Variants in USP43 observed in about 807,000 individuals in gnomAD.
The protein encoded by USP43 is ubiquitin specific peptidase 43.
USP43 carries 33 observed loss-of-function variants against 90.7 expected under a neutral mutation model. The ratio of observed to expected loss-of-function variants is 0.36; its 90% confidence interval spans 0.28 to 0.49. The LOEUF is 0.49. USP43 is among the 20% of genes least tolerant of loss of function. USP43 has a pLI of 0.98. For missense variants in USP43, 1,274 were observed against 1,476.4 expected (o/e 0.86, Z 2.25); for synonymous variants, 598 against 615.8 (o/e 0.97, Z 0.43).
At chr17:9,694,852 G>A (rs950486526) in intron 9 of USP43, among the ~76,000 whole-genome samples, 1 of 152,160 alleles carries the variant, frequency 6.6e-6, no homozygotes, top group African/African-American at 2.4e-5. Context: ...TCGAACTCCT[G>A]ACCTCAAGTG....
At chr17:9,682,014 A>T (rs1460543912) in intron 6 of USP43, among the ~76,000 whole-genome samples, 2 of 152,156 alleles carry the variant, frequency 1.3e-5, no homozygotes, top group Non-Finnish European at 2.9e-5. Flanking sequence ...TTCTCCTTTC[A>T]AATTCAATCA....
At position 9,729,177 on chromosome 17, in the gene USP43, A is replaced by G; in HGVS notation, c.*187A>G. 1 of 464,828 alleles carries G rather than the reference A, an allele frequency of 2.2e-6. No individual in the cohort carries two copies. Among genetic ancestry groups the G allele is most frequent in the Non-Finnish European group, 3.5e-6 (1 of 283,572 alleles). 28.8% of individuals were successfully genotyped at this position (464,828 alleles called of 1,614,324 possible). On this transcript the variant is annotated 3_prime_UTR_variant, in exon 15 of 15. Coordinates refer to ENST00000285199, the MANE Select transcript of USP43 (RefSeq NM_153210.5). ...CCAACACCCAAGGTCCATATAACCC[A>G]AGGTCGAAAACCTTCCTGCATCATT...
chr17:9,681,476 A>ATATATATATT (rs1914265612), intron 6 of USP43, among the ~76,000 whole-genome samples: 1 of 20,730 alleles, frequency 4.8e-5, no homozygotes, highest in Non-Finnish European at 7.0e-5. Context: ...ATATATATAT[A>ATATATATATT]TATATATATA....
At chr17:9,682,740 A>G in intron 6 of USP43, 83 bp from the exon 7 acceptor site, 4 of 1,517,988 alleles carry the variant, frequency 2.6e-6, no homozygotes, top group South Asian at 1.3e-5. Flanking sequence ...TCAAAGAGAA[A>G]GAGGGACTAG....
intron 4 of USP43, among the ~76,000 whole-genome samples, chr17:9,675,684 C>T (rs1372317437): frequency 6.6e-6 from 1 of 152,156 alleles, no homozygotes; most frequent in African/African-American, 2.4e-5. Context: ...TAGGATGCAG[C>T]TGAAGACATA....
chr17:9,724,890 G>C (rs79801263), intron 14 of USP43, among the ~76,000 whole-genome samples: 29 of 151,918 alleles, frequency 1.9e-4, no homozygotes, highest in African/African-American at 6.5e-4. Flanking sequence ...CCCTTGAAGA[G>C]ACAGAAGGTG....
rs779182219 is a variant in USP43 at position 9,728,437 on chromosome 17, A to C, written c.2819A>C (p.Glu940Ala). 4 of 1,612,008 alleles carry C rather than the reference A, an allele frequency of 2.5e-6. No individual in the cohort carries two copies. The East Asian group carries it at 8.9e-5, about 36-fold the overall frequency. Residue 940 changes from glutamate to alanine, a missense_variant, in exon 15 of 15, where the codon GAG becomes GCG. Glu to Ala is a moderately radical substitution (Grantham distance 107, BLOSUM62 -1). Coordinates refer to ENST00000285199, the MANE Select transcript of USP43 (RefSeq NM_153210.5). The surrounding 1 kb of genome is among the most constrained non-coding windows in gnomAD (Gnocchi z 6.2). ...DLPLTVMPSVEHEKPARPEGQ... is the reference protein window; with the variant it reads ...DLPLTVMPSVAHEKPARPEGQ... ...CCTCTCACTGTGATGCCTTCAGTGGAGCATGAGAAACCAGCTCGACCGGAG... is the reference window on the plus strand; with the variant it reads ...CCTCTCACTGTGATGCCTTCAGTGGCGCATGAGAAACCAGCTCGACCGGAG...
intron 12 of USP43, among the ~76,000 whole-genome samples, chr17:9,708,097 G>T (rs12450479): frequency 1.3e-5 from 2 of 152,154 alleles, no homozygotes; most frequent in African/African-American, 4.8e-5. Flanking sequence ...AGCAGAGCTC[G>T]TAGCATGTGC....
intron 1 of USP43, among the ~76,000 whole-genome samples, chr17:9,646,857 G>A (rs1911441857): frequency 6.6e-6 from 1 of 151,960 alleles, no homozygotes; most frequent in African/African-American, 2.4e-5. Context: ...TGTTTAAGGC[G>A]CATTCAATCC....
chr17:9,649,677 T>TAA (rs56962060), intron 1 of USP43, among the ~76,000 whole-genome samples: 9,816 of 107,868 alleles, frequency 0.091, 364 homozygotes, highest in Middle Eastern at 0.15. Context: ...TTGCACATTG[T>TAA]AAAAAAAAAA....
At position 9,701,338 on chromosome 17, in the gene USP43, G is replaced by A; in HGVS notation, c.1663-14G>A. The A allele has an allele frequency of 6.3e-7, 1 of 1,590,314 alleles. No individual in the cohort carries two copies. Among genetic ancestry groups the A allele is most frequent in the South Asian group, 1.1e-5 (1 of 87,354 alleles). On this transcript the variant is annotated splice_polypyrimidine_tract_variant and intron_variant, in intron 11 of 14. Coordinates refer to ENST00000285199, the MANE Select transcript of USP43 (RefSeq NM_153210.5). The surrounding 1 kb of genome is among the most constrained non-coding windows in gnomAD (Gnocchi z 7.2). Reference sequence around the variant, plus strand: ...GCTGCGGGGGCCTCACAGTCCGGGTGGTTTGCTTTCCAGCTGGCCCAGGAT... The same window carrying A: ...GCTGCGGGGGCCTCACAGTCCGGGTAGTTTGCTTTCCAGCTGGCCCAGGAT...
intron 14 of USP43, among the ~76,000 whole-genome samples, chr17:9,722,682 C>G (rs1177533489): frequency 1.3e-5 from 2 of 152,198 alleles, no homozygotes; most frequent in Non-Finnish European, 2.9e-5. Flanking sequence ...ACTGTCTTCT[C>G]TCCTTCCTCC....
chr17:9,677,675 C>T (rs1913877387), intron 5 of USP43, among the ~76,000 whole-genome samples: 1 of 152,220 alleles, frequency 6.6e-6, no homozygotes, highest in Non-Finnish European at 1.5e-5. Context: ...ACCCTGGACA[C>T]AGTATGTGAT....
At position 9,729,437 on chromosome 17, in the gene USP43, G is replaced by C. The variant is rs1282907690; in HGVS notation, c.*447G>C. On this transcript the variant is annotated 3_prime_UTR_variant, in exon 15 of 15. Transcript: ENST00000285199. ...AATATTTTATTTTTAATGCTTTTCT[G>C]GGATAAGCATTAAAGATGCCAAAAA... 5 of 147,690 alleles carry C rather than the reference G, an allele frequency of 3.4e-5. No homozygotes were observed. The highest frequency in any genetic ancestry group is 1.2e-4 in the African/African-American group (5 of 40,126). The allele number at this position is 147,690 out of a possible 1,614,324, so 9.1% of individuals were successfully genotyped here. A position where few individuals can be genotyped will look rare whatever the true frequency, so the allele number is the denominator to read the frequency against.
At chr17:9,678,965 A>T (rs1380875500) in intron 5 of USP43, among the ~76,000 whole-genome samples, 1 of 152,164 alleles carries the variant, frequency 6.6e-6, no homozygotes, top group African/African-American at 2.4e-5. Flanking sequence ...TAACACAAGG[A>T]TCTTGGTATG....
At position 9,656,541 on chromosome 17, in the gene USP43, C is replaced by A; in HGVS notation, c.636+7C>A. 1 of 1,609,200 alleles carries A rather than the reference C, an allele frequency of 6.2e-7. No individual in the cohort carries two copies. Among genetic ancestry groups the A allele is most frequent in the South Asian group, 1.1e-5 (1 of 89,828 alleles). ...AGGGCCGGTGTCGGAGAAGGTCGGT[C>A]ACTCTCAAAACAACACAATGTACTG... is the stretch of plus-strand genomic sequence containing the variant. On this transcript the variant is annotated splice_region_variant and intron_variant, in intron 2 of 14. Transcript: ENST00000285199.
intron 6 of USP43, 72 bp downstream of exon 6, chr17:9,680,438 G>A: frequency 1.3e-6 from 2 of 1,551,696 alleles, no homozygotes; most frequent in East Asian, 2.3e-5. Flanking sequence ...CTCCTTGGGT[G>A]CAAAGGCATA....
chr17:9,687,519 A>G (rs1914661508), intron 8 of USP43, among the ~76,000 whole-genome samples: 1 of 152,208 alleles, frequency 6.6e-6, no homozygotes, highest in Non-Finnish European at 1.5e-5. Flanking sequence ...CCAAACAAAA[A>G]CAGCATGTTT....
intron 8 of USP43, among the ~76,000 whole-genome samples, chr17:9,691,867 C>T (rs1186925433): frequency 2.0e-5 from 3 of 151,318 alleles, no homozygotes; most frequent in Admixed American, 6.6e-5. Context: ...TGGTGAAACC[C>T]CGTCTTTACT....
Sources: allele counts gnomAD v4.1 joint callset (sites outside exome capture counted in the v4.1 genomes callset), GRCh38; gene constraint gnomAD v4.1.1; non-coding constraint Gnocchi (gnomAD v3.1); transcripts MANE v1.5; gene names NCBI Gene and HGNC (gene_info 2026-07-23, HGNC 2026-07-21).